Variants in LAMA4 observed in about 807,000 individuals in gnomAD.
The protein encoded by LAMA4 is laminin subunit alpha 4, also known as laminin subunit alpha-4.
A neutral mutation model predicts 207.1 loss-of-function variants in LAMA4; 127 were observed. That is an observed-to-expected ratio of 0.61 (90% CI 0.53 to 0.71). LAMA4 has a LOEUF of 0.71. Among genes scored for constraint, LAMA4 ranks in the 30% least tolerant of loss-of-function variants. LAMA4 has a pLI of 0.00. For missense variants in LAMA4, 2,093 were observed against 2,246.5 expected (o/e 0.93, Z 1.38); for synonymous variants, 761 against 816.0 (o/e 0.93, Z 1.15).
intron 22 of LAMA4, 98 bp from the exon 23 acceptor site, chr6:112,139,983 T>C (rs1779594622): frequency 3.3e-6 from 4 of 1,197,736 alleles, no homozygotes; most frequent in Non-Finnish European, 4.9e-6. Context: ...CAAGGAGACC[T>C]ACCCCTTTGT....
At chr6:112,177,829 A>G (rs1192294053) in intron 10 of LAMA4, among the ~76,000 whole-genome samples, 1 of 152,228 alleles carries the variant, frequency 6.6e-6, no homozygotes, top group East Asian at 1.9e-4. Context: ...TTTTAGAGAC[A>G]CCACAGCATG....
At chr6:112,181,215 C>G (rs988455110) in intron 9 of LAMA4, among the ~76,000 whole-genome samples, 6 of 152,330 alleles carry the variant, frequency 3.9e-5, no homozygotes, top group Non-Finnish European at 7.3e-5. Flanking sequence ...TTCTCTAGAC[C>G]ACTGTGGCGG....
At chr6:112,224,429 T>C (rs1785091034) in intron 2 of LAMA4, among the ~76,000 whole-genome samples, 1 of 152,186 alleles carries the variant, frequency 6.6e-6, no homozygotes, top group Admixed American at 6.5e-5. Flanking sequence ...TCTGCTTCCT[T>C]CATGCTATGC....
In LAMA4 at chr6:112,158,754, G is replaced by T; in HGVS notation, c.1795C>A (p.Gln599Lys). ...TACCTGCTCAATTCATTAGCTTCTT[G>T]TTGAAGGTCCTGTGCATGGTCAATA... Reference protein sequence around the residue: ...EAIDHAQDLQQEANELSRKLH... With the variant: ...EAIDHAQDLQKEANELSRKLH... The change falls in exon 14 of 39, where the codon CAA becomes AAA. Residue 599 changes from glutamine to lysine, a missense_variant. Gln to Lys is a moderately conservative substitution (Grantham distance 53, BLOSUM62 1). Transcript: ENST00000230538. 3 of 1,613,702 alleles carry T rather than the reference G, an allele frequency of 1.9e-6. No individual in the cohort carries two copies. Among genetic ancestry groups the T allele is most frequent in the Non-Finnish European group, 1.7e-6 (2 of 1,179,734 alleles).
intron 17 of LAMA4, 31 bp from the exon 18 acceptor site, chr6:112,148,367 G>A (rs782221041): frequency 6.2e-7 from 1 of 1,612,056 alleles, no homozygotes. Context: ...CATTCACTTT[G>A]CAGAGAAGCC....
intron 9 of LAMA4, chr6:112,178,545 A>C (rs1554344557): frequency 2.9e-6 from 1 of 350,372 alleles, no homozygotes; most frequent in African/African-American, 2.1e-5. Flanking sequence ...TATACACTGC[A>C]CCATATTTGT....
chr6:112,166,916 C>T (rs781982753), intron 12 of LAMA4, among the ~76,000 whole-genome samples: 8 of 152,060 alleles, frequency 5.3e-5, no homozygotes, highest in Non-Finnish European at 1.2e-4. Flanking sequence ...ACAGCAACAG[C>T]AACAAAAACA....
chr6:112,241,239 G>A (rs1554187699), intron 2 of LAMA4, among the ~76,000 whole-genome samples: 1 of 128,304 alleles, frequency 7.8e-6, no homozygotes, highest in Non-Finnish European at 1.7e-5. Context: ...ATATATGAAT[G>A]TGTATATATA....
chr6:112,115,674 A>G (rs1413994191), intron 36 of LAMA4, among the ~76,000 whole-genome samples, 189 bp downstream of exon 36: 3 of 152,170 alleles, frequency 2.0e-5, no homozygotes, highest in African/African-American at 7.2e-5. Context: ...TCTTTGTTTT[A>G]ACCAAATCAA....
Position 112,120,455 on chromosome 6 carries a change from C to T in LAMA4, c.4493G>A (p.Arg1498His), listed in dbSNP as rs147556641. 171 of 1,612,888 alleles carry T rather than the reference C, an allele frequency of 1.1e-4. No homozygotes were observed. Among genetic ancestry groups the T allele is most frequent in the African/African-American group, 2.0e-4 (15 of 74,832 alleles). ...DFGAKSQFSI[R>H]LRTRSSHGMI... ...GCCATGGGAGGAACGAGTTCTCAGA[C>T]GAATGGAAAACTGAGATCTGGTAAA... is the stretch of plus-strand genomic sequence containing the variant. Residue 1498 changes from arginine to histidine, a missense_variant, in exon 33 of 39, where the codon CGT (arginine) becomes CAT (histidine). This residue lies in a region of LAMA4 where 383 missense variants were observed against 437.8 expected (regional missense o/e 0.87). Transcript: ENST00000230538.
intron 17 of LAMA4, among the ~76,000 whole-genome samples, chr6:112,150,226 C>G (rs949708676): frequency 2.0e-5 from 3 of 147,184 alleles, no homozygotes; most frequent in Non-Finnish European, 1.5e-5. Context: ...CACACACACA[C>G]ACACACACAG....
At position 112,214,129 on chromosome 6, in the gene LAMA4, A is replaced by G. The variant is rs1285659173; in HGVS notation, c.297+2239T>C. 5.2e-5 allele frequency: 32 copies of G among 620,338 alleles called. No homozygotes were observed. In the Admixed American group the frequency reaches 7.1e-4, roughly 14 times the overall value. The allele number at this position is 620,338 out of a possible 1,614,324, so 38.4% of individuals were successfully genotyped here. On this transcript the variant is annotated intron_variant, in intron 3 of 38. Transcript: ENST00000230538. ...ATGAGTTTGATTCCAGTGTGACACCACAGACTTAACATATTTGCAACTAAG... is the reference window on the plus strand; with the variant it reads ...ATGAGTTTGATTCCAGTGTGACACCGCAGACTTAACATATTTGCAACTAAG...
rs1554334130 is a variant in LAMA4, at chr6:112,144,852, G to A, written c.2435C>T (p.Ser812Phe). 1 of 1,614,016 alleles carries A rather than the reference G, an allele frequency of 6.2e-7. No individual in the cohort carries two copies. The change falls in exon 19 of 39, where the codon TCT becomes TTT. Residue 812 changes from serine to phenylalanine, a missense_variant. This residue lies in a region of LAMA4 where 1,704 missense variants were observed against 1,788.4 expected (regional missense o/e 0.95). Coordinates refer to ENST00000230538, the MANE Select transcript of LAMA4 (RefSeq NM_001105206.3). ...CTCTCGGATCCTCTGGATGCTGGCA[G>A]AAACGTTGCTTGCAGGTCGCTTCTG... ...VEQKRPASNVSASIQRIRELI... is the reference protein window; with the variant it reads ...VEQKRPASNVFASIQRIRELI...
intron 5 of LAMA4, chr6:112,200,156 T>C (rs1554351741): frequency 3.8e-6 from 2 of 533,308 alleles, no homozygotes; most frequent in Admixed American, 1.9e-5. Flanking sequence ...GGAAAGCCTC[T>C]CGTGCTCTGT....
At chr6:112,176,403 T>C (rs1782028222) in intron 10 of LAMA4, among the ~76,000 whole-genome samples, 1 of 152,202 alleles carries the variant, frequency 6.6e-6, no homozygotes, top group African/African-American at 2.4e-5. Context: ...ATCTATGTGG[T>C]TGACCAGACA....
chr6:112,149,238 G>A (rs1780226156), intron 17 of LAMA4, among the ~76,000 whole-genome samples: 1 of 152,098 alleles, frequency 6.6e-6, no homozygotes, highest in Admixed American at 6.5e-5. Flanking sequence ...TCCTGAATCT[G>A]CTTCTTACTG....
chr6:112,226,296 T>C (rs535047424), intron 2 of LAMA4, among the ~76,000 whole-genome samples: 2 of 152,340 alleles, frequency 1.3e-5, no homozygotes, highest in African/African-American at 4.8e-5. Flanking sequence ...TAGCATGACA[T>C]ACAAGGATCC....
rs587680017 is a variant in LAMA4 at position 112,116,149 on chromosome 6, T to A, written c.4982-156A>T. Among the ~76,000 whole-genome samples, 370 of 152,308 alleles carry A rather than the reference T, an allele frequency of 2.4e-3. 1 individual carries two copies. Among genetic ancestry groups the A allele is most frequent in the Non-Finnish European group, 1.4e-3 (92 of 68,020 alleles). ...AGTGGCTTTTCCATGTCAAACTCACTGTGGAAAGCTCTGTGGGGAACCAAG... is the reference window on the plus strand; with the variant it reads ...AGTGGCTTTTCCATGTCAAACTCACAGTGGAAAGCTCTGTGGGGAACCAAG... On this transcript the variant is annotated intron_variant, in intron 35 of 38. Transcript: ENST00000230538.
At chr6:112,191,585 G>T in intron 6 of LAMA4, 51 bp downstream of exon 6, 1 of 1,320,418 alleles carries the variant, frequency 7.6e-7, no homozygotes, top group Non-Finnish European at 1.1e-6. Context: ...TTCAGTATTG[G>T]CAGAGGGTCA....
Sources: gnomAD v4.1 joint callset for allele counts (sites outside exome capture counted in the v4.1 genomes callset) on GRCh38, gnomAD v4.1.1 for gene constraint, gnomAD v4.1.1 regional missense constraint, MANE v1.5 for transcripts, NCBI Gene and HGNC (gene_info 2026-07-23, HGNC 2026-07-21) for gene names.